Variants in TAF4B observed in about 807,000 individuals in gnomAD.
The protein encoded by TAF4B is TATA-box binding protein associated factor 4b.
In TAF4B, 38 loss-of-function variants were observed where a neutral mutation model predicts 86.4. The ratio of observed to expected loss-of-function variants is 0.44; its 90% CI spans 0.34 to 0.58. TAF4B has a LOEUF of 0.58. TAF4B is among the 20% of genes least tolerant of loss of function. The pLI is 0.02. For synonymous variants in TAF4B, 388 were observed against 391.2 expected (o/e 0.99, Z 0.10); for missense variants, 988 against 1,027.6 (o/e 0.96, Z 0.53).
intron 1 of TAF4B, among the ~76,000 whole-genome samples, chr18:26,256,579 A>G (rs1313770315): frequency 6.6e-6 from 1 of 151,544 alleles, no homozygotes. Context: ...TTCTTTTTCC[A>G]GTGTCTTAAG....
At chr18:26,362,012 ATG>A (rs2144313508) in intron 14 of TAF4B, among the ~76,000 whole-genome samples, 1 of 152,198 alleles carries the variant, frequency 6.6e-6, no homozygotes, top group South Asian at 2.1e-4. Flanking sequence ...TCCTTTGAGA[ATG>A]TGTTATAGGC....
intron 8 of TAF4B, among the ~76,000 whole-genome samples, chr18:26,292,776 C>G (rs568526389): frequency 6.6e-6 from 1 of 152,300 alleles, no homozygotes; most frequent in Non-Finnish European, 1.5e-5. Context: ...ATCCACCCAC[C>G]TTGGCCTCCC....
At chr18:26,368,826 A>G (rs766798865) in intron 14 of TAF4B, among the ~76,000 whole-genome samples, 7 of 152,216 alleles carry the variant, frequency 4.6e-5, no homozygotes, top group Non-Finnish European at 7.4e-5. Context: ...AAATTTTCCA[A>G]AGACTTAAAG....
chr18:26,282,723 G>A (rs2056465513), intron 6 of TAF4B, among the ~76,000 whole-genome samples: 1 of 152,208 alleles, frequency 6.6e-6, no homozygotes, highest in Non-Finnish European at 1.5e-5. Context: ...TCTGTAGCAT[G>A]CAGTGCTGTC....
At chr18:26,286,635 T>A (rs2056527397) in intron 7 of TAF4B, 136 bp downstream of exon 7, 8 of 656,998 alleles carry the variant, frequency 1.2e-5, no homozygotes, top group East Asian at 9.4e-5. Context: ...TTTTTTTTTT[T>A]ACCTCATTTG....
At chr18:26,372,758 C>T (rs1184590292) in intron 14 of TAF4B, among the ~76,000 whole-genome samples, 1 of 151,994 alleles carries the variant, frequency 6.6e-6, no homozygotes, top group African/African-American at 2.4e-5. Context: ...ATCACGAGGT[C>T]AGGAGATCGA....
chr18:26,242,905 A>G (rs1391520966), intron 1 of TAF4B, among the ~76,000 whole-genome samples: 2 of 152,190 alleles, frequency 1.3e-5, no homozygotes, highest in Non-Finnish European at 2.9e-5. Context: ...AATGTTGAAT[A>G]TTGGCCCCCA....
chr18:26,379,252 T>C (rs2057462345), intron 14 of TAF4B, among the ~76,000 whole-genome samples: 1 of 152,112 alleles, frequency 6.6e-6, no homozygotes, highest in African/African-American at 2.4e-5. Flanking sequence ...TAATTAGTAC[T>C]TGCTGTATCC....
chr18:26,258,037 C>T (rs772519714), intron 1 of TAF4B, among the ~76,000 whole-genome samples: 7 of 152,062 alleles, frequency 4.6e-5, no homozygotes, highest in Non-Finnish European at 1.0e-4. Context: ...AGGCAGATCA[C>T]GAGGTCAGGA....
At chr18:26,346,787 A>ATATATGTGTATATATATATGTGTGTG (rs1567913689) in intron 13 of TAF4B, among the ~76,000 whole-genome samples, 1 of 24,130 alleles carries the variant, frequency 4.1e-5, no homozygotes, top group Non-Finnish European at 1.4e-4. Context: ...GTGTGTATAT[A>ATATATGTGTATATATATATGTGTGTG]TATATATATA....
At chr18:26,376,723 A>G (rs1405115006) in intron 14 of TAF4B, among the ~76,000 whole-genome samples, 2 of 152,106 alleles carry the variant, frequency 1.3e-5, no homozygotes, top group African/African-American at 4.8e-5. Flanking sequence ...TTGAGTAGAA[A>G]TGGTGGAGCA....
chr18:26,315,192 C>CACACAA lies in TAF4B; in HGVS notation c.1833-36_1833-35insCACAAA, dbSNP rs749841898. Reference sequence around the variant, plus strand: ...ACACACACACACACACACACACACACAACCTAAAATGTATAACTTTTTTTT... The same window carrying CACACAA: ...ACACACACACACACACACACACACACACACAAAACCTAAAATGTATAACTTTTTTTT... On this transcript the variant is annotated intron_variant, in intron 9 of 14. Coordinates refer to ENST00000269142, the MANE Select transcript of TAF4B (RefSeq NM_005640.3). 17 of 1,333,484 alleles carry CACACAA rather than the reference C, an allele frequency of 1.3e-5. No homozygotes were observed. The African/African-American group carries it at 1.9e-4, about 15-fold the overall frequency. The allele number at this position is 1,333,484 out of a possible 1,614,324, so 82.6% of individuals were successfully genotyped here.
In TAF4B at chr18:26,374,199, A is replaced by G. The variant is rs1333049139; in HGVS notation, c.2422-15646A>G. Among the ~76,000 whole-genome samples, 3 of 152,132 alleles carry G rather than the reference A, an allele frequency of 2.0e-5. No individual in the cohort carries two copies. In the East Asian group the frequency reaches 5.8e-4, roughly 29 times the overall value. ...TTATATGTAATATTTGAGGCTTTAC[A>G]TGGTATTTTTTTCTTCATATCACTT... On this transcript the variant is annotated intron_variant, in intron 14 of 14. Coordinates refer to ENST00000269142, the MANE Select transcript of TAF4B (RefSeq NM_005640.3).
chr18:26,363,468 C>G (rs1567923259), intron 14 of TAF4B, among the ~76,000 whole-genome samples: 1 of 150,960 alleles, frequency 6.6e-6, no homozygotes, highest in Non-Finnish European at 1.5e-5. Context: ...ATAGCTTGGC[C>G]CAGGAGGTCA....
At position 26,255,864 on chromosome 18, in the gene TAF4B, T is replaced by C. The variant is rs1445387802; in HGVS notation, c.344-9306T>C. The C allele has an allele frequency of 1.9e-5, 25 of 1,312,164 alleles. No homozygotes were observed. The South Asian group carries it at 2.7e-4, about 14-fold the overall frequency. The allele number at this position is 1,312,164 out of a possible 1,614,324, so 81.3% of individuals were successfully genotyped here. ...ACAACATGTCTTCTGTCTTTTCTAG[T>C]ATGTGAGATCTAAAAAGGAAACAAC... On this transcript the variant is annotated intron_variant, in intron 1 of 14. Transcript: ENST00000269142.
chr18:26,280,034 ACT>A (rs997676982), intron 5 of TAF4B, among the ~76,000 whole-genome samples: 1 of 105,944 alleles, frequency 9.4e-6, no homozygotes, highest in African/African-American at 3.7e-5. Flanking sequence ...ACACAGTGAG[ACT>A]CTATCTCAAA....
chr18:26,291,719 A>G (rs960781353), intron 7 of TAF4B, among the ~76,000 whole-genome samples: 6 of 150,804 alleles, frequency 4.0e-5, no homozygotes, highest in Admixed American at 6.6e-5. Context: ...AAAAAAAAAA[A>G]AAAGAAAATA....
chr18:26,355,654 C>A (rs2057283270), intron 13 of TAF4B, among the ~76,000 whole-genome samples: 1 of 152,152 alleles, frequency 6.6e-6, no homozygotes, highest in South Asian at 2.1e-4. Context: ...TGTTACACTA[C>A]ACATAGGGAA....
At chr18:26,275,915 C>T (rs1033335765) in intron 5 of TAF4B, among the ~76,000 whole-genome samples, 3 of 150,470 alleles carry the variant, frequency 2.0e-5, no homozygotes, top group African/African-American at 7.4e-5. Context: ...ACTTGGAAGG[C>T]TGAGGCAGGA....
Sources: allele counts gnomAD v4.1 joint callset (sites outside exome capture counted in the v4.1 genomes callset), GRCh38; gene constraint gnomAD v4.1.1; transcripts MANE v1.5; gene names NCBI Gene and HGNC (gene_info 2026-07-23, HGNC 2026-07-21).